RERE: variants seen among roughly 807,000 people sequenced by gnomAD.
RERE encodes arginine-glutamic acid dipeptide repeats.
Under a neutral mutation model 146.1 loss-of-function variants are expected in RERE, and 40 were observed. That is an observed-to-expected ratio of 0.27 (90% CI 0.21 to 0.36). The LOEUF (loss-of-function observed/expected upper bound fraction) is 0.36. RERE is among the 10% of genes least tolerant of loss of function. The pLI, the probability that RERE is intolerant of heterozygous loss-of-function variation, is 1.00. For synonymous variants in RERE, 1,003 were observed against 866.0 expected (o/e 1.16, Z -2.78); for missense variants, 1,933 against 2,138.7 (o/e 0.90, Z 1.90).
At chr1:8,728,225 T>C (rs907896231) in intron 1 of RERE, among the ~76,000 whole-genome samples, 6 of 152,240 alleles carry the variant, frequency 3.9e-5, no homozygotes, top group African/African-American at 1.4e-4. Context: ...ACGCATGCAA[T>C]AAGCAATGTG....
At chr1:8,471,521 T>TA (rs201773353) in intron 10 of RERE, among the ~76,000 whole-genome samples, 2 of 150,824 alleles carry the variant, frequency 1.3e-5, no homozygotes, top group African/African-American at 4.9e-5. Flanking sequence ...GGGTTGCTTT[T>TA]TTTTTTTTTT....
At chr1:8,731,788 G>T (rs1038233417) in intron 1 of RERE, among the ~76,000 whole-genome samples, 4 of 143,332 alleles carry the variant, frequency 2.8e-5, no homozygotes, top group African/African-American at 1.1e-4. Flanking sequence ...TTTTTTGTTT[G>T]TTTGTTTGTT....
intron 4 of RERE, among the ~76,000 whole-genome samples, chr1:8,578,305 T>C (rs1360037104): frequency 6.6e-6 from 1 of 152,174 alleles, no homozygotes; most frequent in African/African-American, 2.4e-5. Flanking sequence ...GCAGACCTCC[T>C]TACACAAAGC....
At chr1:8,751,696 C>A (rs1205879828) in intron 1 of RERE, among the ~76,000 whole-genome samples, 1 of 151,768 alleles carries the variant, frequency 6.6e-6, no homozygotes, top group East Asian at 1.9e-4. Flanking sequence ...TTCATACAGA[C>A]GTCCTCAGAG....
chr1:8,646,556 C>CAAAAA (rs568370827), intron 2 of RERE, among the ~76,000 whole-genome samples: 10 of 144,288 alleles, frequency 6.9e-5, no homozygotes, highest in African/African-American at 2.3e-4. Context: ...AACAAACAAA[C>CAAAAA]AAAAAAAAAA....
chr1:8,646,028 T>A (rs1225632141), intron 2 of RERE, among the ~76,000 whole-genome samples: 2 of 152,088 alleles, frequency 1.3e-5, no homozygotes, highest in Non-Finnish European at 2.9e-5. Flanking sequence ...TCCAAAGACA[T>A]ACAACTAAGA....
intron 1 of RERE, among the ~76,000 whole-genome samples, chr1:8,766,672 G>T (rs561496751): frequency 2.5e-4 from 38 of 152,226 alleles, no homozygotes; most frequent in African/African-American, 7.7e-4. Context: ...CTATATAGTG[G>T]GGAGAAGAGA....
At chr1:8,448,970 T>C (rs1291966992) in intron 11 of RERE, among the ~76,000 whole-genome samples, 1 of 152,132 alleles carries the variant, frequency 6.6e-6, no homozygotes, top group Non-Finnish European at 1.5e-5. Flanking sequence ...ACCTCACGCA[T>C]GAAACCTCAC....
intron 1 of RERE, among the ~76,000 whole-genome samples, chr1:8,782,831 G>A (rs894553047): frequency 1.3e-5 from 2 of 152,118 alleles, no homozygotes; most frequent in Non-Finnish European, 2.9e-5. Context: ...ACTTGAACCC[G>A]GGAGGTGGAG....
intron 8 of RERE, among the ~76,000 whole-genome samples, chr1:8,501,417 C>A (rs1570350199): frequency 1.5e-5 from 1 of 66,610 alleles, no homozygotes; most frequent in Non-Finnish European, 2.9e-5. Context: ...CCGCCCCGTC[C>A]GGGAGGTGAG....
At chr1:8,658,751 A>G (rs1457821119) in intron 1 of RERE, among the ~76,000 whole-genome samples, 1 of 150,612 alleles carries the variant, frequency 6.6e-6, no homozygotes, top group Non-Finnish European at 1.5e-5. Context: ...GAGAGACTCC[A>G]TCTCAAAAAA....
intron 12 of RERE, among the ~76,000 whole-genome samples, chr1:8,369,106 C>T (rs1410626407): frequency 6.6e-6 from 1 of 152,080 alleles, no homozygotes; most frequent in Non-Finnish European, 1.5e-5. Context: ...GAAGCTGAGA[C>T]AAGAGGATCA....
At chr1:8,730,419 C>T (rs1216839649) in intron 1 of RERE, among the ~76,000 whole-genome samples, 1 of 151,904 alleles carries the variant, frequency 6.6e-6, no homozygotes, top group African/African-American at 2.4e-5. Context: ...CTCGGCTCAC[C>T]GCGAGCTCCG....
intron 1 of RERE, among the ~76,000 whole-genome samples, chr1:8,703,618 C>A (rs1050784274): frequency 3.3e-5 from 5 of 152,232 alleles, no homozygotes; most frequent in Non-Finnish European, 7.3e-5. Context: ...GAACTGGGAG[C>A]CTGCGTGATT....
chr1:8,719,347 T>G lies in RERE; in HGVS notation c.-144-62906A>C, dbSNP rs72639692. Among the ~76,000 whole-genome samples, 428 of 152,260 alleles carry G rather than the reference T, an allele frequency of 2.8e-3. 1 individual carries two copies. The highest frequency in any genetic ancestry group is 2.5e-3 in the Non-Finnish European group (168 of 68,008). ...TGTCCAAGCACTCTGTTCAATGATT[T>G]TGATGAAATAAAGTAATCCACCCCT... On this transcript the variant is annotated intron_variant, in intron 1 of 22. Coordinates refer to ENST00000400908, the MANE Select transcript of RERE (RefSeq NM_001042681.2).
At chr1:8,418,803 T>C (rs983801453) in intron 12 of RERE, among the ~76,000 whole-genome samples, 3 of 152,224 alleles carry the variant, frequency 2.0e-5, no homozygotes. Context: ...AGATTCTCTA[T>C]TAGGCCTCCT....
chr1:8,498,510 A>G (rs1645076892), intron 8 of RERE, among the ~76,000 whole-genome samples: 1 of 151,954 alleles, frequency 6.6e-6, no homozygotes, highest in Admixed American at 6.6e-5. Context: ...AGCCTGGCCA[A>G]CATGATAAAA....
At chr1:8,472,963 A>G (rs753370005) in intron 10 of RERE, among the ~76,000 whole-genome samples, 7 of 152,050 alleles carry the variant, frequency 4.6e-5, no homozygotes, top group Non-Finnish European at 7.4e-5. Context: ...CCCAAATAAA[A>G]CCTGTCTTCC....
At position 8,358,894 on chromosome 1, in the gene RERE, T is replaced by C. The variant is rs1199370508; in HGVS notation, c.3641A>G (p.Glu1214Gly). 2 of 1,553,038 alleles carry C rather than the reference T, an allele frequency of 1.3e-6. No individual in the cohort carries two copies. The highest frequency in any genetic ancestry group is 1.7e-6 in the Non-Finnish European group (2 of 1,149,580). The part of the protein sequence containing the change: ...RAAKASSSAH[E>G]GRLSDPQLSG... ...GAGCTGTGGGTCACTGAGGCGACCT[T>C]CATGCGCTGAGCTGGACGCCTTCTG... is the stretch of plus-strand genomic sequence containing the variant. Residue 1214 changes from glutamate (E) to glycine (G), a missense_variant, in exon 20 of 23, where the codon GAA becomes GGA. Physicochemically the swap from Glu to Gly is moderately conservative, Grantham distance 98. Around this residue, in one of 11 missense-constraint regions of RERE, gnomAD observed 1,255 missense variants for 1,153.8 expected, o/e 1.09. Coordinates refer to ENST00000400908, the MANE Select transcript of RERE (RefSeq NM_001042681.2).
Sources: allele counts gnomAD v4.1 joint callset (sites outside exome capture counted in the v4.1 genomes callset), GRCh38; gene constraint gnomAD v4.1.1; regional missense constraint gnomAD v4.1.1; transcripts MANE v1.5; gene names NCBI Gene and HGNC (gene_info 2026-07-23, HGNC 2026-07-21).